The following HSD17B3 variants were observed in gnomAD, a reference collection of about 807,000 sequenced individuals.
The protein encoded by HSD17B3 is 17-beta-hydroxysteroid dehydrogenase type 3.
HSD17B3 carries 29 observed loss-of-function variants against 41.1 expected under a neutral mutation model. That is an observed-to-expected ratio of 0.71 (90% CI 0.53 to 0.96). The LOEUF (loss-of-function observed/expected upper bound fraction) is 0.96. Among genes scored for constraint, HSD17B3 ranks in the 40% least tolerant of loss-of-function variants. The pLI, the probability that HSD17B3 is intolerant of heterozygous loss-of-function variation, is 0.00. For synonymous variants in HSD17B3, 126 were observed against 145.6 expected (o/e 0.87, Z 0.97); for missense variants, 323 against 374.6 (o/e 0.86, Z 1.14).
rs1260017457 is a variant in HSD17B3 at position 96,290,822 on chromosome 9, A to G, written c.201+7594T>C. ...GCACTCCAGTTTGTGTGACAGAGTG[A>G]GACCGGGCAAAAGAACGAAACTCTG... On this transcript the variant is annotated intron_variant, in intron 2 of 10. Coordinates refer to ENST00000375263, the MANE Select transcript of HSD17B3 (RefSeq NM_000197.2). 4.2e-4 allele frequency among the ~76,000 whole-genome samples: 64 copies of G among 151,938 alleles called. 1 individual carries two copies. The highest frequency in any genetic ancestry group is 4.1e-3 in the Admixed American group (63 of 15,228).
intron 2 of HSD17B3, among the ~76,000 whole-genome samples, chr9:96,276,107 T>TAAAAAAAAAAAAAAAAAAAAAAAAAA (rs57386167): frequency 2.4e-5 from 1 of 41,152 alleles, no homozygotes; most frequent in Non-Finnish European, 4.3e-5. Context: ...TCCTGTCTCA[T>TAAAAAAAAAAAAAAAAAAAAAAAAAA]AAAAAAAAAA....
In HSD17B3 at chr9:96,254,949, A is replaced by G. The variant is rs775815049; in HGVS notation, c.202-6T>C. ...TTGAGTCCACGTTTTGCTAGCTGAG[A>G]GTGGGAGTGAAAAACCAAGAGACAA... On this transcript the variant is annotated splice_polypyrimidine_tract_variant and splice_region_variant and intron_variant, in intron 2 of 10. Coordinates refer to ENST00000375263, the MANE Select transcript of HSD17B3 (RefSeq NM_000197.2). 1.2e-6 allele frequency: 2 copies of G among 1,612,956 alleles called. No individual in the cohort carries two copies. Among genetic ancestry groups the G allele is most frequent in the Non-Finnish European group, 1.7e-6 (2 of 1,179,400 alleles).
At chr9:96,242,027 A>AAAAGT (rs887262886) in intron 9 of HSD17B3, among the ~76,000 whole-genome samples, 2 of 147,218 alleles carry the variant, frequency 1.4e-5, no homozygotes, top group African/African-American at 5.3e-5. Context: ...AAAGAAAAGA[A>AAAAGT]AAAGTAAAAA....
chr9:96,286,114 C>T (rs1184382665), intron 2 of HSD17B3, among the ~76,000 whole-genome samples: 2 of 152,134 alleles, frequency 1.3e-5, no homozygotes, highest in African/African-American at 4.8e-5. Context: ...GAGGCCAAGG[C>T]GGGCAGATCA....
At chr9:96,246,887 TACAGCTGTGGGACCA>T (rs1393527713) in intron 6 of HSD17B3, among the ~76,000 whole-genome samples, 1 of 152,190 alleles carries the variant, frequency 6.6e-6, no homozygotes, top group Non-Finnish European at 1.5e-5. Context: ...GGAATTGGCT[TACAGCTGTGGGACCA>T]ACACTGAGGT....
rs1315932688 is a variant in HSD17B3, at chr9:96,297,140, CTG to C, written c.201+1274_201+1275del. 4.6e-5 allele frequency among the ~76,000 whole-genome samples: 7 copies of C among 151,524 alleles called. No homozygotes were observed. The South Asian group carries it at 1.5e-3, about 31-fold the overall frequency. On this transcript the variant is annotated intron_variant, in intron 2 of 10. Transcript: ENST00000375263. ...GGATTTGAGATAAATTTAGGAGAAA[CTG>C]TTAGGTTTCAAATATCTTTCTCTTC...
chr9:96,283,554 G>A (rs959294472), intron 2 of HSD17B3, among the ~76,000 whole-genome samples: 3 of 152,088 alleles, frequency 2.0e-5, no homozygotes, highest in African/African-American at 7.2e-5. Flanking sequence ...GGCTTTCTGT[G>A]TTCCAAAATA....
Position 96,271,745 on chromosome 9 carries a change from T to C in HSD17B3, c.202-16802A>G, listed in dbSNP as rs114769953. Among the ~76,000 whole-genome samples, 576 of 152,328 alleles carry C rather than the reference T, an allele frequency of 3.8e-3. 6 individuals carry two copies. Among genetic ancestry groups the C allele is most frequent in the African/African-American group, 0.013 (545 of 41,588 alleles). ...ATTATTGGGTTTTTTGTTGTTGTTG[T>C]TGTTGTTACAGTTGCTAATCTTCAT... is the stretch of plus-strand genomic sequence containing the variant. On this transcript the variant is annotated intron_variant, in intron 2 of 10. Coordinates refer to ENST00000375263, the MANE Select transcript of HSD17B3 (RefSeq NM_000197.2).
In HSD17B3 at chr9:96,295,873, G is replaced by A. The variant is rs536849322; in HGVS notation, c.201+2543C>T. Among the ~76,000 whole-genome samples the A allele has an allele frequency of 1.1e-4, 17 of 152,234 alleles. No individual in the cohort carries two copies. In the South Asian group the frequency reaches 3.5e-3, roughly 32 times the overall value. ...ATGCTGAAATCCTAACCCCCAATGA[G>A]ATGACACTTGGAGGTAAGGCTTTCA... On this transcript the variant is annotated intron_variant, in intron 2 of 10. Coordinates refer to ENST00000375263, the MANE Select transcript of HSD17B3 (RefSeq NM_000197.2).
At chr9:96,275,155 G>A (rs192883883) in intron 2 of HSD17B3, among the ~76,000 whole-genome samples, 2 of 152,038 alleles carry the variant, frequency 1.3e-5, no homozygotes, top group Admixed American at 6.6e-5. Context: ...TTAAATAGAG[G>A]AAAGATAACG....
intron 5 of HSD17B3, 75 bp downstream of exon 5, chr9:96,251,343 G>C: frequency 8.7e-6 from 11 of 1,270,160 alleles, no homozygotes; most frequent in Non-Finnish European, 1.3e-5. Context: ...GCCTTCCCAG[G>C]CCTGACTCAT....
chr9:96,271,050 C>A (rs1826227421), intron 2 of HSD17B3, among the ~76,000 whole-genome samples: 1 of 151,690 alleles, frequency 6.6e-6, no homozygotes, highest in African/African-American at 2.4e-5. Context: ...AGCAGTCTTA[C>A]CGATAAGGAT....
At chr9:96,242,008 A>AAAGAAAGAGG (rs1836475935) in intron 9 of HSD17B3, among the ~76,000 whole-genome samples, 2 of 148,910 alleles carry the variant, frequency 1.3e-5, no homozygotes, top group Admixed American at 1.3e-4. Flanking sequence ...AAAGAAAGAG[A>AAAGAAAGAGG]AAGAAAAGAA....
intron 2 of HSD17B3, among the ~76,000 whole-genome samples, chr9:96,279,845 C>T (rs567956792): frequency 5.3e-5 from 8 of 151,872 alleles, no homozygotes; most frequent in East Asian, 1.9e-4. Context: ...TCTCGGCTCA[C>T]GGCAAGCTCC....
chr9:96,295,947 C>T (rs751652434), intron 2 of HSD17B3, among the ~76,000 whole-genome samples: 5 of 151,904 alleles, frequency 3.3e-5, no homozygotes, highest in Non-Finnish European at 5.9e-5. Flanking sequence ...AGATTAATGT[C>T]CTTATGGGAA....
chr9:96,235,470 T>C lies in HSD17B3; in HGVS notation c.923A>G (p.Lys308Arg), dbSNP rs758786011. 6.2e-7 allele frequency: 1 copy of C among 1,612,626 alleles called. No individual in the cohort carries two copies. Among genetic ancestry groups the C allele is most frequent in the Admixed American group, 1.7e-5 (1 of 59,996 alleles). Residue 308 changes from lysine to arginine, a missense_variant, in exon 11 of 11, where the codon AAG (lysine) becomes AGG (arginine). Coordinates refer to ENST00000375263, the MANE Select transcript of HSD17B3 (RefSeq NM_000197.2). ...CTCCTCACCGCCTGGCTACCTGACC[T>C]TGGTGTTGAGCTTCAGGTATGCCAC... ...HYVAYLKLNT[K>R]VR
Position 96,300,864 on chromosome 9 carries a change from C to T in HSD17B3, c.154+1087G>A, listed in dbSNP as rs553459517. Among the ~76,000 whole-genome samples, 7 of 152,234 alleles carry T rather than the reference C, an allele frequency of 4.6e-5. No homozygotes were observed. In the East Asian group the frequency reaches 5.8e-4, roughly 13 times the overall value. ...GAAAACATGGCTCCATAGAGTTATGCGTTGCCTTGATTTTGTAACACCTTC... is the reference window on the plus strand; with the variant it reads ...GAAAACATGGCTCCATAGAGTTATGTGTTGCCTTGATTTTGTAACACCTTC... On this transcript the variant is annotated intron_variant, in intron 1 of 10. Transcript: ENST00000375263.
chr9:96,240,998 T>C (rs769129899), intron 9 of HSD17B3, 91 bp from the exon 10 acceptor site: 2 of 1,456,664 alleles, frequency 1.4e-6, no homozygotes, highest in Non-Finnish European at 1.9e-6. Flanking sequence ...TCCCACCATT[T>C]CCCGACCCTT....
chr9:96,265,448 TC>T (rs1201305333), intron 2 of HSD17B3, among the ~76,000 whole-genome samples: 2 of 152,224 alleles, frequency 1.3e-5, no homozygotes, highest in African/African-American at 2.4e-5. Flanking sequence ...TGTTGTTTGA[TC>T]CTTTGAGTTA....
Sources: allele counts gnomAD v4.1 joint callset (sites outside exome capture counted in the v4.1 genomes callset), GRCh38; gene constraint gnomAD v4.1.1; transcripts MANE v1.5; gene names NCBI Gene and HGNC (gene_info 2026-07-23, HGNC 2026-07-21).